The following IL13RA1 variants were observed in gnomAD, a reference collection of about 807,000 sequenced individuals.
IL13RA1 encodes the protein interleukin 13 receptor subunit alpha 1.
Under a neutral mutation model 33.8 loss-of-function variants are expected in IL13RA1, and 14 were observed. The observed-to-expected ratio is 0.41, with a 90% CI of 0.27 to 0.65. The LOEUF is 0.65. Among genes scored for constraint, IL13RA1 ranks in the 30% least tolerant of loss-of-function variants. The probability of loss-of-function intolerance (pLI) is 0.28; values close to 1 mark genes in which losing one functional copy is unlikely to be tolerated. For missense variants in IL13RA1, 313 were observed against 327.0 expected (o/e 0.96, Z 0.33); for synonymous variants, 116 against 115.7 (o/e 1.00, Z -0.02).
intron 10 of IL13RA1, among the ~76,000 whole-genome samples, chrX:118,778,096 C>T (rs1054210193): frequency 9.0e-6 from 1 of 111,660 alleles, no homozygotes; most frequent in African/African-American, 3.3e-5. Context: ...AACTTAATAC[C>T]CAACAGTTAA....
At chrX:118,768,180 G>A (rs1181968327) in intron 8 of IL13RA1, among the ~76,000 whole-genome samples, 1 of 112,337 alleles carries the variant, frequency 8.9e-6, no homozygotes, top group Non-Finnish European at 1.9e-5. Flanking sequence ...CAAACAGGTT[G>A]TCGAGGTAGC....
Position 118,791,821 on chromosome X carries a change from GCTGATAGAAAAC to G in IL13RA1, c.1256_1267del (p.Ile419_Leu422del). 9.5e-7 allele frequency: 1 copy of G among 1,050,278 alleles called. No homozygotes were observed. Among genetic ancestry groups the G allele is most frequent in the Non-Finnish European group, 1.3e-6 (1 of 751,485 alleles). 86.6% of individuals were successfully genotyped at this position (1,050,278 alleles called of 1,213,427 possible). ...CCAAGGAGGAAACCGACTCTGTAGT[GCTGATAGAAAAC>G]CTGAAGAAAGCCTCTCAGTGATGGA... On this transcript the variant is annotated inframe_deletion, in exon 11 of 11. Transcript: ENST00000371666.
chrX:118,787,987 AT>A (rs767788392), intron 10 of IL13RA1, among the ~76,000 whole-genome samples: 1 of 112,096 alleles, frequency 8.9e-6, no homozygotes, highest in East Asian at 2.8e-4. Context: ...GGATTAAGAG[AT>A]TAAAGTAAAG....
chrX:118,744,471 C>G (rs1407454144), intron 2 of IL13RA1, among the ~76,000 whole-genome samples: 1 of 111,572 alleles, frequency 9.0e-6, no homozygotes, highest in Non-Finnish European at 1.9e-5. Flanking sequence ...ACGATCTCAG[C>G]TCACTGAAAC....
intron 10 of IL13RA1, among the ~76,000 whole-genome samples, chrX:118,782,166 G>A (rs2017851144): frequency 1.8e-5 from 2 of 111,257 alleles, no homozygotes; most frequent in African/African-American, 3.3e-5. Flanking sequence ...TCGACCTCCT[G>A]AGCTCAAGCA....
downstream of IL13RA1, among the ~76,000 whole-genome samples, chrX:118,794,870 A>G (rs942301823): frequency 2.7e-4 from 30 of 111,641 alleles, no homozygotes; most frequent in Non-Finnish European, 5.3e-4. Context: ...AATGATATAC[A>G]TGATGTGCAA....
chrX:118,745,008 T>A (rs930896057), intron 2 of IL13RA1, among the ~76,000 whole-genome samples: 1 of 111,738 alleles, frequency 8.9e-6, no homozygotes, highest in South Asian at 3.7e-4. Flanking sequence ...GTGAGGTTGG[T>A]AAAATTTGTA....
intron 4 of IL13RA1, among the ~76,000 whole-genome samples, chrX:118,757,308 G>A (rs767891643): frequency 9.0e-6 from 1 of 110,838 alleles, no homozygotes; most frequent in East Asian, 2.8e-4. Context: ...GAGGCGGGTG[G>A]ATCACTTGTG....
chrX:118,748,220 C>A (rs1296180759), intron 3 of IL13RA1, among the ~76,000 whole-genome samples: 1 of 103,625 alleles, frequency 9.7e-6, no homozygotes, highest in South Asian at 4.1e-4. Context: ...TCTATGTGCC[C>A]TTTGCTCTAA....
downstream of IL13RA1, among the ~76,000 whole-genome samples, chrX:118,799,182 C>G (rs1448269303): frequency 8.8e-6 from 1 of 113,451 alleles, no homozygotes; most frequent in East Asian, 2.8e-4. Context: ...CGAGCCTTAG[C>G]TGCCTTCCCG....
chrX:118,800,596 C>T, the IL13RA1 span, among the ~76,000 whole-genome samples: 4 of 110,539 alleles, frequency 3.6e-5, no homozygotes, highest in East Asian at 8.6e-4. Flanking sequence ...CTGTAACAGT[C>T]ACGGCGTGGG....
chrX:118,748,186 A>G (rs1005124653), intron 3 of IL13RA1, among the ~76,000 whole-genome samples: 3 of 102,692 alleles, frequency 2.9e-5, no homozygotes, highest in African/African-American at 1.1e-4. Flanking sequence ...GCTGGGCCCC[A>G]TCTCTTAACC....
In IL13RA1 at chrX:118,793,160, T is replaced by C. The variant is rs938139144; in HGVS notation, c.*1306T>C. ...ATTGGAAATTAGGATGTAAATCTGC[T>C]CAGGAGACCTGGAGGAGCAGAGGAT... On this transcript the variant is annotated 3_prime_UTR_variant, in exon 11 of 11. Transcript: ENST00000371666. The C allele has an allele frequency of 8.9e-6, 1 of 112,141 alleles. No homozygotes were observed. Among genetic ancestry groups the C allele is most frequent in the Non-Finnish European group, 1.9e-5 (1 of 53,207 alleles). 9.2% of individuals were successfully genotyped at this position (112,141 alleles called of 1,213,427 possible).
chrX:118,782,323 C>G (rs901635303), intron 10 of IL13RA1, among the ~76,000 whole-genome samples: 2 of 111,042 alleles, frequency 1.8e-5, no homozygotes, highest in Non-Finnish European at 3.8e-5. Flanking sequence ...GATCCTCTTG[C>G]CTCAGCCTCC....
At chrX:118,784,090 A>AAATATATATATATATATAT (rs1556372973) in intron 10 of IL13RA1, among the ~76,000 whole-genome samples, 1 of 63,957 alleles carries the variant, frequency 1.6e-5, no homozygotes, top group African/African-American at 7.4e-5. Flanking sequence ...AAAAAAAAAA[A>AAATATATATATATATATAT]ATATATATAT....
chrX:118,791,633 A>G, intron 10 of IL13RA1, 129 bp from the exon 11 acceptor site: 2 of 319,792 alleles, frequency 6.3e-6, no homozygotes, highest in Non-Finnish European at 1.1e-5. Context: ...AAAAAAAAAA[A>G]AAAACAGGAA....
intron 2 of IL13RA1, among the ~76,000 whole-genome samples, chrX:118,744,131 G>C: frequency 9.1e-6 from 1 of 110,389 alleles, no homozygotes; most frequent in Middle Eastern, 4.6e-3. Flanking sequence ...GGGCAACAGA[G>C]CAAGACTGTT....
At chrX:118,761,348 C>A in intron 6 of IL13RA1, 59 bp downstream of exon 6, 1 of 528,352 alleles carries the variant, frequency 1.9e-6, no homozygotes, top group East Asian at 3.8e-5. Context: ...GAATTTCTTA[C>A]ATTGAAATAT....
intron 4 of IL13RA1, among the ~76,000 whole-genome samples, chrX:118,750,590 A>G (rs896317241): frequency 9.0e-6 from 1 of 110,698 alleles, no homozygotes; most frequent in Non-Finnish European, 1.9e-5. Flanking sequence ...TCACATACAG[A>G]TTTTTATATG....
Sources: allele counts gnomAD v4.1 joint callset (sites outside exome capture counted in the v4.1 genomes callset), GRCh38; gene constraint gnomAD v4.1.1; transcripts MANE v1.5; gene names NCBI Gene and HGNC (gene_info 2026-07-23, HGNC 2026-07-21).